The following PDZRN4 variants were observed in gnomAD, a reference collection of about 807,000 sequenced individuals.
The protein encoded by PDZRN4 is PDZ domain-containing RING finger protein 4.
Under a neutral mutation model 99.0 loss-of-function variants are expected in PDZRN4, and 70 were observed. That is an observed-to-expected ratio of 0.71 (90% confidence interval 0.58 to 0.86). The LOEUF (loss-of-function observed/expected upper bound fraction) is 0.86, where lower values mean the gene tolerates loss of function less well. PDZRN4 is among the 40% of genes least tolerant of loss of function. The pLI is 0.00. For missense variants in PDZRN4, 1,474 were observed against 1,331.2 expected, an observed-to-expected ratio of 1.11 and a Z score of -1.67; for synonymous variants, 551 against 501.6, an observed-to-expected ratio of 1.10 and a Z score of -1.32.
intron 3 of PDZRN4, among the ~76,000 whole-genome samples, chr12:41,375,745 TTG>T (rs924177659): frequency 1.3e-5 from 2 of 151,550 alleles, no homozygotes; most frequent in African/African-American, 2.4e-5. Context: ...TTTTGTGTGT[TTG>T]TGTGTGTGTG....
chr12:41,489,583 A>T (rs780746876), intron 3 of PDZRN4, among the ~76,000 whole-genome samples: 7 of 152,128 alleles, frequency 4.6e-5, no homozygotes, highest in Non-Finnish European at 1.0e-4. Context: ...AATGAGGGGC[A>T]GTCAACTCGT....
intron 3 of PDZRN4, among the ~76,000 whole-genome samples, chr12:41,449,459 T>G (rs1051380143): frequency 1.2e-4 from 18 of 152,168 alleles, no homozygotes; most frequent in African/African-American, 4.1e-4. Context: ...ATGAATCCTG[T>G]CTCCAGAGTC....
chr12:41,476,332 T>C (rs1953042732), intron 3 of PDZRN4, among the ~76,000 whole-genome samples: 1 of 152,182 alleles, frequency 6.6e-6, no homozygotes, highest in Non-Finnish European at 1.5e-5. Flanking sequence ...CATAACAAAC[T>C]AGGGGTAGAA....
At position 41,301,188 on chromosome 12, in the gene PDZRN4, G is replaced by A. The variant is rs546216098; in HGVS notation, c.843+107000G>A. 3.9e-5 allele frequency among the ~76,000 whole-genome samples: 6 copies of A among 152,080 alleles called. No individual in the cohort carries two copies. In the South Asian group the frequency reaches 1.2e-3, roughly 32 times the overall value. ...GGCTGTTTGCTTTCAAAGGGGGATG[G>A]GGGAAGAGGCAGAAACGATGAGAAA... is the stretch of plus-strand genomic sequence containing the variant. On this transcript the variant is annotated intron_variant, in intron 3 of 9. Coordinates refer to ENST00000402685, the MANE Select transcript of PDZRN4 (RefSeq NM_001164595.2).
intron 4 of PDZRN4, among the ~76,000 whole-genome samples, chr12:41,506,946 T>C (rs1371041485): frequency 1.3e-5 from 2 of 152,162 alleles, no homozygotes; most frequent in African/African-American, 2.4e-5. Flanking sequence ...ACTTGCTAGC[T>C]GCTGTGAAAA....
At chr12:41,361,834 G>C (rs1951965413) in intron 3 of PDZRN4, among the ~76,000 whole-genome samples, 1 of 152,064 alleles carries the variant, frequency 6.6e-6, no homozygotes, top group Non-Finnish European at 1.5e-5. Flanking sequence ...ACTGTGGAAA[G>C]AGGATGAATC....
intron 2 of PDZRN4, 26 bp downstream of exon 2, chr12:41,191,570 T>C (rs1375791487): frequency 1.0e-6 from 1 of 990,254 alleles, no homozygotes. Context: ...AATGCATTAC[T>C]CGTTACTTAT....
At chr12:41,349,804 A>G (rs141994898) in intron 3 of PDZRN4, among the ~76,000 whole-genome samples, 178 of 152,100 alleles carry the variant, frequency 1.2e-3, no homozygotes, top group Middle Eastern at 3.4e-3. Flanking sequence ...TGTATACGGT[A>G]TGGGGAAGCA....
At chr12:41,221,020 G>A (rs1950952009) in intron 3 of PDZRN4, among the ~76,000 whole-genome samples, 2 of 152,146 alleles carry the variant, frequency 1.3e-5, no homozygotes, top group African/African-American at 4.8e-5. Context: ...CTAGGCAAAG[G>A]AATACAAATG....
chr12:41,334,224 T>C (rs974134738), intron 3 of PDZRN4, among the ~76,000 whole-genome samples: 1 of 152,030 alleles, frequency 6.6e-6, no homozygotes, highest in Non-Finnish European at 1.5e-5. Context: ...AGAACAGAAT[T>C]TTTCACAGAC....
intron 3 of PDZRN4, among the ~76,000 whole-genome samples, chr12:41,409,027 A>T (rs1190768612): frequency 6.6e-6 from 1 of 152,136 alleles, no homozygotes; most frequent in Non-Finnish European, 1.5e-5. Context: ...TCATAGGCAA[A>T]ACTATTACTG....
At chr12:41,212,679 G>A (rs765984634) in intron 3 of PDZRN4, among the ~76,000 whole-genome samples, 2 of 152,026 alleles carry the variant, frequency 1.3e-5, no homozygotes, top group Non-Finnish European at 2.9e-5. Context: ...TAATAAATTA[G>A]GAATTGTAGT....
intron 3 of PDZRN4, among the ~76,000 whole-genome samples, chr12:41,373,820 C>T (rs1592032819): frequency 6.6e-6 from 1 of 152,230 alleles, no homozygotes; most frequent in Admixed American, 6.5e-5. Flanking sequence ...GAAATCTTCA[C>T]AGTTTATGTT....
At chr12:41,197,462 C>T (rs1425514894) in intron 3 of PDZRN4, among the ~76,000 whole-genome samples, 2 of 152,122 alleles carry the variant, frequency 1.3e-5, no homozygotes, top group Non-Finnish European at 2.9e-5. Context: ...TCAGTCTCCA[C>T]AAGCAACTAT....
intron 3 of PDZRN4, among the ~76,000 whole-genome samples, chr12:41,274,191 G>T (rs1438419093): frequency 3.3e-5 from 5 of 151,746 alleles, no homozygotes; most frequent in African/African-American, 4.8e-5. Context: ...TGTAAAGCTG[G>T]TATTTTCCTT....
chr12:41,197,278 T>C (rs1044529394), intron 3 of PDZRN4, among the ~76,000 whole-genome samples: 6 of 152,100 alleles, frequency 3.9e-5, no homozygotes, highest in Admixed American at 1.3e-4. Context: ...ATAAATAATA[T>C]ATTAGTTATA....
At chr12:41,544,022 C>T (rs1236358503) in intron 5 of PDZRN4, among the ~76,000 whole-genome samples, 2 of 152,124 alleles carry the variant, frequency 1.3e-5, no homozygotes, top group African/African-American at 4.8e-5. Context: ...GCTAGATGGA[C>T]CAGAAATAAC....
chr12:41,529,854 T>C (rs1938630165), intron 5 of PDZRN4, among the ~76,000 whole-genome samples: 1 of 152,216 alleles, frequency 6.6e-6, no homozygotes, highest in African/African-American at 2.4e-5. Flanking sequence ...TCAACTGTGC[T>C]GATCATATCC....
At chr12:41,310,416 C>T (rs759541253) in intron 3 of PDZRN4, among the ~76,000 whole-genome samples, 8 of 152,114 alleles carry the variant, frequency 5.3e-5, no homozygotes, top group Non-Finnish European at 7.4e-5. Context: ...TTAACTTCAT[C>T]CTCCTTTTTT....
Sources: allele counts gnomAD v4.1 joint callset (sites outside exome capture counted in the v4.1 genomes callset), GRCh38; gene constraint gnomAD v4.1.1; transcripts MANE v1.5; gene names NCBI Gene and HGNC (gene_info 2026-07-23, HGNC 2026-07-21).